PRKCH: variants seen among roughly 807,000 people sequenced by gnomAD.
The protein encoded by PRKCH is protein kinase C eta type.
A neutral mutation model predicts 82.5 loss-of-function variants in PRKCH; 28 were observed. The ratio of observed to expected loss-of-function variants is 0.34; its 90% confidence interval spans 0.25 to 0.47. PRKCH has a LOEUF of 0.47. Among genes scored for constraint, PRKCH ranks in the 20% least tolerant of loss-of-function variants. The pLI is 1.00. For missense variants in PRKCH, 705 were observed against 881.8 expected, an observed-to-expected ratio of 0.80 and a Z score of 2.54; for synonymous variants, 322 against 327.4, an observed-to-expected ratio of 0.98 and a Z score of 0.18.
chr14:61,485,941 A>AT (rs1302586783), intron 10 of PRKCH, among the ~76,000 whole-genome samples: 2 of 151,952 alleles, frequency 1.3e-5, no homozygotes, highest in East Asian at 1.9e-4. Context: ...TTTATTTTTT[A>AT]TTTTTTGTAG....
intron 2 of PRKCH, among the ~76,000 whole-genome samples, chr14:61,402,805 AAG>A (rs1349583251): frequency 6.7e-6 from 1 of 149,204 alleles, no homozygotes; most frequent in Non-Finnish European, 1.5e-5. Flanking sequence ...CTCAAAAAAA[AAG>A]AAAAAAAGAA....
intron 1 of PRKCH, chr14:61,305,181 T>A (rs2045477610): frequency 6.6e-6 from 1 of 152,038 alleles, no homozygotes. Context: ...AGACTCTAAT[T>A]ATTATTATCT....
At chr14:61,324,941 CA>C (rs2045674845) in intron 1 of PRKCH, among the ~76,000 whole-genome samples, 1 of 152,050 alleles carries the variant, frequency 6.6e-6, no homozygotes, top group Non-Finnish European at 1.5e-5. Context: ...GTTGCAGGTT[CA>C]AAAAACCCCC....
chr14:61,356,928 C>T (rs1566836251), intron 1 of PRKCH, among the ~76,000 whole-genome samples: 2 of 152,132 alleles, frequency 1.3e-5, no homozygotes, highest in African/African-American at 2.4e-5. Context: ...GTGATCTGCC[C>T]GCCTCAGCCT....
upstream of PRKCH, among the ~76,000 whole-genome samples, chr14:61,318,776 A>G (rs941231210): frequency 2.0e-5 from 3 of 151,986 alleles, no homozygotes; most frequent in African/African-American, 7.2e-5. Context: ...GCTTCTTCCA[A>G]TCCACCCCCG....
Position 61,322,278 on chromosome 14 carries a change from C to T in PRKCH, c.177C>T (p.Thr59=). ...AGGTGCGCGTGGGCCAGACCAGCAC[C>T]AAGCAGAAGACCAACAAACCCACGT... The part of the protein sequence containing the change: ...VDQVRVGQTS[T]KQKTNKPTYN... Residue 59 remains threonine, a synonymous_variant, in exon 1 of 14, where the codon ACC becomes ACT. Transcript: ENST00000332981. The T allele has an allele frequency of 6.2e-7, 1 of 1,613,108 alleles. No individual in the cohort carries two copies. Among genetic ancestry groups the T allele is most frequent in the Non-Finnish European group, 8.5e-7 (1 of 1,179,814 alleles).
At chr14:61,497,863 T>C (rs1468403288) in intron 10 of PRKCH, among the ~76,000 whole-genome samples, 3 of 152,184 alleles carry the variant, frequency 2.0e-5, no homozygotes, top group Admixed American at 1.3e-4. Context: ...TTTTACTCTC[T>C]GTAGAGAAAA....
intron 12 of PRKCH, among the ~76,000 whole-genome samples, chr14:61,532,689 A>G (rs1164620101): frequency 6.6e-6 from 1 of 152,184 alleles, no homozygotes; most frequent in Non-Finnish European, 1.5e-5. Flanking sequence ...ACTTCAAGCT[A>G]TATCTTTTAT....
intron 2 of PRKCH, among the ~76,000 whole-genome samples, chr14:61,428,116 T>C (rs4902058): frequency 4.3e-3 from 134 of 30,880 alleles, no homozygotes; most frequent in South Asian, 0.017. Flanking sequence ...TACACACATA[T>C]ATATATATAT....
intron 1 of PRKCH, among the ~76,000 whole-genome samples, chr14:61,372,153 A>G (rs1371681840): frequency 6.6e-6 from 1 of 151,850 alleles, no homozygotes; most frequent in Non-Finnish European, 1.5e-5. Flanking sequence ...CACTTTGTAT[A>G]TTCTTTGCCC....
chr14:61,460,935 T>C (rs536692866), intron 9 of PRKCH, among the ~76,000 whole-genome samples: 26 of 152,200 alleles, frequency 1.7e-4, no homozygotes, highest in African/African-American at 5.8e-4. Context: ...GCCTGGAGAA[T>C]GGGTGGAGCA....
chr14:61,352,158 A>C (rs1345306706), intron 1 of PRKCH, among the ~76,000 whole-genome samples: 2 of 152,162 alleles, frequency 1.3e-5, no homozygotes, highest in Non-Finnish European at 2.9e-5. Context: ...TTGACAAAAG[A>C]ATCAGGCCAT....
intron 10 of PRKCH, chr14:61,525,830 C>G (rs547058522): frequency 1.8e-4 from 27 of 152,372 alleles, no homozygotes; most frequent in African/African-American, 6.0e-4. Context: ...GTTCTGGGCT[C>G]AGGTCCACAC....
chr14:61,372,629 G>T (rs2046376948), intron 1 of PRKCH, among the ~76,000 whole-genome samples: 1 of 151,934 alleles, frequency 6.6e-6, no homozygotes, highest in African/African-American at 2.4e-5. Flanking sequence ...AATTCATTTT[G>T]CCCTTAGATC....
chr14:61,541,569 G>T (rs1482400457), intron 12 of PRKCH, among the ~76,000 whole-genome samples: 2 of 152,188 alleles, frequency 1.3e-5, no homozygotes, highest in African/African-American at 4.8e-5. Flanking sequence ...GAAATTGAAT[G>T]AATGGAGAAG....
At chr14:61,378,326 T>A (rs1299659493) in intron 1 of PRKCH, among the ~76,000 whole-genome samples, 1 of 151,816 alleles carries the variant, frequency 6.6e-6, no homozygotes, top group Non-Finnish European at 1.5e-5. Context: ...GATCCTCCTG[T>A]TTCAGCCTCC....
At chr14:61,387,866 C>T (rs370153542) in intron 1 of PRKCH, among the ~76,000 whole-genome samples, 22 of 152,188 alleles carry the variant, frequency 1.4e-4, no homozygotes, top group Middle Eastern at 3.4e-3. Context: ...CCCTATTGTC[C>T]GCTGGGTGTG....
At chr14:61,401,251 C>G (rs1881601405) in intron 2 of PRKCH, among the ~76,000 whole-genome samples, 1 of 152,150 alleles carries the variant, frequency 6.6e-6, no homozygotes, top group Admixed American at 6.5e-5. Flanking sequence ...ACATCTTAAG[C>G]TAGAACTCAG....
At chr14:61,383,897 G>C (rs1245367938) in intron 1 of PRKCH, among the ~76,000 whole-genome samples, 1 of 152,218 alleles carries the variant, frequency 6.6e-6, no homozygotes, top group South Asian at 2.1e-4. Context: ...AGTTTGGATA[G>C]ATTAGTGGGA....
Sources: gnomAD v4.1 joint callset for allele counts (sites outside exome capture counted in the v4.1 genomes callset) on GRCh38, gnomAD v4.1.1 for gene constraint, MANE v1.5 for transcripts, NCBI Gene and HGNC (gene_info 2026-07-23, HGNC 2026-07-21) for gene names.